Variants in INTS6 observed in about 807,000 individuals in gnomAD.
The protein encoded by INTS6 is DEAD box protein.
INTS6 carries 16 observed loss-of-function variants against 104.9 expected under a neutral mutation model. The observed-to-expected ratio is 0.15, with a 90% CI of 0.10 to 0.23. The LOEUF is 0.23. INTS6 is among the 10% of genes least tolerant of loss of function. INTS6 has a pLI of 1.00. For synonymous variants in INTS6, 324 were observed against 358.7 expected (o/e 0.90, Z 1.09); for missense variants, 584 against 1,062.8 (o/e 0.55, Z 6.26).
At chr13:51,371,116 C>A (rs1252475268) in intron 15 of INTS6, among the ~76,000 whole-genome samples, 1 of 152,190 alleles carries the variant, frequency 6.6e-6, no homozygotes, top group African/African-American at 2.4e-5. Flanking sequence ...TGCTCATCTG[C>A]CTCAGACTGA....
chr13:51,382,255 G>A, intron 9 of INTS6, 132 bp from the exon 10 acceptor site: 2 of 476,618 alleles, frequency 4.2e-6, no homozygotes, highest in Non-Finnish European at 3.7e-6. Context: ...TTTTTAACAT[G>A]AAAGTAAGAT....
At chr13:51,371,937 C>T (rs1422192552) in intron 15 of INTS6, among the ~76,000 whole-genome samples, 1 of 152,136 alleles carries the variant, frequency 6.6e-6, no homozygotes, top group Non-Finnish European at 1.5e-5. Context: ...TGCTCTAGAC[C>T]ATTCCCTCTT....
chr13:51,452,443 G>A lies in INTS6; in HGVS notation c.83C>T (p.Ala28Val). The A allele has an allele frequency of 6.2e-7, 1 of 1,611,408 alleles. No individual in the cohort carries two copies. The change falls in exon 1 of 18, where the codon GCC (alanine) becomes GTC (valine). Residue 28 changes from alanine to valine, a missense_variant. Ala to Val is a moderately conservative substitution (Grantham distance 64, BLOSUM62 0). Around this residue, in one of 5 missense-constraint regions of INTS6, gnomAD observed 70 missense variants for 190.3 expected, o/e 0.37. Coordinates refer to ENST00000311234, the MANE Select transcript of INTS6 (RefSeq NM_012141.3). This position sits in a 1 kb window ranked among gnomAD's most constrained non-coding sequence, Gnocchi z 4.2. ...SHLGTTYLDTAKGAVETFMKL... is the reference protein window; with the variant it reads ...SHLGTTYLDTVKGAVETFMKL... The stretch of plus-strand genomic sequence containing the variant: ...CATGAAGGTCTCTACCGCGCCTTTG[G>A]CCGTGTCCAGGTAGGTGGTGCCCAG...
At chr13:51,386,409 G>A (rs1385974963) in intron 7 of INTS6, among the ~76,000 whole-genome samples, 1 of 152,048 alleles carries the variant, frequency 6.6e-6, no homozygotes, top group African/African-American at 2.4e-5. Flanking sequence ...CAAAGAAATT[G>A]GAAGTTTCTC....
chr13:51,382,851 C>A (rs981400729), intron 9 of INTS6, among the ~76,000 whole-genome samples: 15 of 152,130 alleles, frequency 9.9e-5, no homozygotes, highest in Admixed American at 2.6e-4. Flanking sequence ...CCAAGGCGGG[C>A]GGATCACCTG....
chr13:51,419,063 CA>C (rs1451864069), intron 4 of INTS6, among the ~76,000 whole-genome samples: 1 of 152,102 alleles, frequency 6.6e-6, no homozygotes, highest in East Asian at 1.9e-4. Flanking sequence ...TAATGTTTTT[CA>C]AGTTCATCCA....
chr13:51,388,701 TA>T (rs1956189839), intron 6 of INTS6, among the ~76,000 whole-genome samples: 1 of 152,146 alleles, frequency 6.6e-6, no homozygotes, highest in Admixed American at 6.6e-5. Flanking sequence ...CAATGACTCT[TA>T]AATCTTGAAA....
intron 15 of INTS6, 118 bp from the exon 16 acceptor site, chr13:51,369,428 TAACA>T: frequency 7.1e-6 from 7 of 983,170 alleles, no homozygotes; most frequent in Non-Finnish European, 1.0e-5. Flanking sequence ...TAATGCAAGT[TAACA>T]AATAATGTGA....
chr13:51,387,818 T>G (rs2137937865), intron 6 of INTS6, among the ~76,000 whole-genome samples: 1 of 152,298 alleles, frequency 6.6e-6, no homozygotes, highest in East Asian at 1.9e-4. Flanking sequence ...ACACAAAACA[T>G]ACTTTACGGT....
intron 4 of INTS6, among the ~76,000 whole-genome samples, chr13:51,421,792 A>G (rs1956899856): frequency 1.3e-5 from 2 of 152,180 alleles, no homozygotes; most frequent in South Asian, 4.1e-4. Flanking sequence ...AAAAGTGCCA[A>G]TCTATTAAAT....
intron 4 of INTS6, among the ~76,000 whole-genome samples, chr13:51,418,934 A>G (rs1956845732): frequency 1.3e-5 from 2 of 152,186 alleles, no homozygotes; most frequent in African/African-American, 4.8e-5. Context: ...AACATCTTAA[A>G]AAGATCCCTG....
intron 3 of INTS6, among the ~76,000 whole-genome samples, chr13:51,434,233 C>T (rs767923987): frequency 3.9e-5 from 6 of 152,044 alleles, no homozygotes; most frequent in Non-Finnish European, 5.9e-5. Context: ...ATTACTTAGC[C>T]ATTAATTTCT....
At chr13:51,375,734 G>GATGTGTGTGT (rs142921391) in intron 13 of INTS6, among the ~76,000 whole-genome samples, 6 of 147,560 alleles carry the variant, frequency 4.1e-5, no homozygotes, top group Non-Finnish European at 7.6e-5. Flanking sequence ...TTGATAAGTG[G>GATGTGTGTGT]GTGTGTGTGT....
chr13:51,414,833 TACACACACACAC>T (rs151197136), intron 4 of INTS6, among the ~76,000 whole-genome samples: 2,232 of 143,040 alleles, frequency 0.016, 27 homozygotes, highest in South Asian at 0.04. Context: ...AGTTCTTCTA[TACACACACACAC>T]ACACACACAC....
chr13:51,443,145 A>G (rs1952828671), intron 3 of INTS6: 1 of 152,202 alleles, frequency 6.6e-6, no homozygotes, highest in Non-Finnish European at 1.5e-5. Context: ...AATCTCCATA[A>G]CTGTTCTATC....
chr13:51,374,552 C>G, intron 14 of INTS6, 102 bp downstream of exon 14: 7 of 1,518,068 alleles, frequency 4.6e-6, no homozygotes, highest in Non-Finnish European at 5.4e-6. Flanking sequence ...ATTAGATACT[C>G]TACCAGGAAA....
At chr13:51,370,865 G>C (rs151040596) in intron 15 of INTS6, among the ~76,000 whole-genome samples, 2 of 152,162 alleles carry the variant, frequency 1.3e-5, no homozygotes, top group Non-Finnish European at 2.9e-5. Flanking sequence ...GTTCCTTATA[G>C]ATAGGGAATG....
chr13:51,451,814 A>C, intron 2 of INTS6, among the ~76,000 whole-genome samples, 164 bp downstream of exon 2: 1 of 132,162 alleles, frequency 7.6e-6, no homozygotes, highest in South Asian at 2.6e-4. Flanking sequence ...GACGCTGCCG[A>C]GCGGGGGAGG....
intron 4 of INTS6, among the ~76,000 whole-genome samples, chr13:51,398,729 T>TAAA (rs77125249): frequency 2.5e-4 from 31 of 126,462 alleles, no homozygotes; most frequent in African/African-American, 8.8e-4. Context: ...ATAAGATGTT[T>TAAA]AAAAAAAAAA....
Sources: gnomAD v4.1 joint callset for allele counts (sites outside exome capture counted in the v4.1 genomes callset) on GRCh38, gnomAD v4.1.1 for gene constraint, gnomAD v4.1.1 regional missense constraint, Gnocchi (gnomAD v3.1) non-coding constraint, MANE v1.5 for transcripts, NCBI Gene and HGNC (gene_info 2026-07-23, HGNC 2026-07-21) for gene names.